The following MR1 variants were observed in gnomAD, a reference collection of about 807,000 sequenced individuals.
MR1 encodes major histocompatibility complex class I-related protein 1.
Under a neutral mutation model 37.8 loss-of-function variants are expected in MR1, and 44 were observed. The observed-to-expected ratio is 1.16, with a 90% CI of 0.91 to 1.50. The LOEUF (loss-of-function observed/expected upper bound fraction) is 1.50. Ranked by LOEUF, MR1 falls within the 40% of genes most tolerant of loss-of-function variation. MR1 has a pLI of 0.00. For synonymous variants in MR1, 153 were observed against 155.8 expected (o/e 0.98, Z 0.13); for missense variants, 386 against 419.1 (o/e 0.92, Z 0.69).
At chr1:181,047,778 T>C (rs544899359) in intron 1 of MR1, among the ~76,000 whole-genome samples, 1 of 149,984 alleles carries the variant, frequency 6.7e-6, no homozygotes, top group East Asian at 2.0e-4. Flanking sequence ...CACGCGCCTG[T>C]AGTCCCAGCT....
In MR1 at chr1:181,059,066, GC is replaced by G. The variant is rs1375911394; in HGVS notation, c.*3802del. 1 of 152,206 alleles carries G rather than the reference GC, an allele frequency of 6.6e-6. No homozygotes were observed. Among genetic ancestry groups the G allele is most frequent in the Non-Finnish European group, 1.5e-5 (1 of 68,046 alleles). The allele number at this position is 152,206 out of a possible 1,614,324, so 9.4% of individuals were successfully genotyped here. A position where few individuals can be genotyped will look rare whatever the true frequency, so the allele number is the denominator to read the frequency against. On this transcript the variant is annotated 3_prime_UTR_variant, in exon 6 of 6. Transcript: ENST00000367580. ...GAATGTTCTCCAAGGAGGACAGGGGGCTTTGCCCATAGCCATGTGCTGTGGG... is the reference window on the plus strand; with the variant it reads ...GAATGTTCTCCAAGGAGGACAGGGGGTTTGCCCATAGCCATGTGCTGTGGG...
In MR1 at chr1:181,049,405, A is replaced by G. The variant is rs1427706855; in HGVS notation, c.328+93A>G. Reference sequence around the variant, plus strand: ...CTCCAATAAGCGGATGCTGAATTGCACCTGCTGTAGCTTTGGCAAAGCCTG... The same window carrying G: ...CTCCAATAAGCGGATGCTGAATTGCGCCTGCTGTAGCTTTGGCAAAGCCTG... On this transcript the variant is annotated intron_variant, in intron 2 of 5. Transcript: ENST00000367580. The G allele has an allele frequency of 3.5e-6, 5 of 1,440,412 alleles. No homozygotes were observed. In the African/African-American group the frequency reaches 5.7e-5, roughly 16 times the overall value. The allele number at this position is 1,440,412 out of a possible 1,614,324, so 89.2% of individuals were successfully genotyped here.
chr1:181,042,998 C>A (rs1657649966), intron 1 of MR1, among the ~76,000 whole-genome samples: 1 of 152,176 alleles, frequency 6.6e-6, no homozygotes, highest in Non-Finnish European at 1.5e-5. Flanking sequence ...TTCTTAAGTG[C>A]TTTAAGATTG....
chr1:181,034,864 G>T, intron 1 of MR1, among the ~76,000 whole-genome samples: 1 of 152,108 alleles, frequency 6.6e-6, no homozygotes, highest in Non-Finnish European at 1.5e-5. Flanking sequence ...GGGCGAGGGG[G>T]GTGGATGATT....
intron 1 of MR1, among the ~76,000 whole-genome samples, chr1:181,042,266 G>A (rs1571382432): frequency 6.7e-6 from 1 of 148,552 alleles, no homozygotes; most frequent in Non-Finnish European, 1.5e-5. Flanking sequence ...GCAGTGGCGC[G>A]ATCTCGGCTC....
intron 1 of MR1, among the ~76,000 whole-genome samples, chr1:181,045,970 C>T (rs1657835709): frequency 6.6e-6 from 1 of 152,250 alleles, no homozygotes; most frequent in Admixed American, 6.5e-5. Flanking sequence ...GCTTAGCACC[C>T]GGGCCAGCGG....
At position 181,056,515 on chromosome 1, in the gene MR1, A is replaced by G. The variant is rs915307587; in HGVS notation, c.*1250A>G. On this transcript the variant is annotated 3_prime_UTR_variant, in exon 6 of 6. Transcript: ENST00000367580. ...TCCTACATAGGTTGTCTTCATACAT[A>G]TGCACTGGGAATCAATAAAAGCCCA... 1 of 152,046 alleles carries G rather than the reference A, an allele frequency of 6.6e-6. No individual in the cohort carries two copies. The highest frequency in any genetic ancestry group is 2.4e-5 in the African/African-American group (1 of 41,360). 9.4% of individuals were successfully genotyped at this position (152,046 alleles called of 1,614,324 possible). A position where few individuals can be genotyped will look rare whatever the true frequency, so the allele number is the denominator to read the frequency against.
At chr1:181,051,550 G>A (rs1246075414) in intron 3 of MR1, among the ~76,000 whole-genome samples, 1 of 152,166 alleles carries the variant, frequency 6.6e-6, no homozygotes, top group Non-Finnish European at 1.5e-5. Context: ...TTTGGTCTCG[G>A]TATGGCTGTT....
At position 181,055,377 on chromosome 1, in the gene MR1, G is replaced by C; in HGVS notation, c.*112G>C. 1 of 911,416 alleles carries C rather than the reference G, an allele frequency of 1.1e-6. No homozygotes were observed. The highest frequency in any genetic ancestry group is 2.2e-5 in the Admixed American group (1 of 45,866). The allele number at this position is 911,416 out of a possible 1,614,324, so 56.5% of individuals were successfully genotyped here. A position where few individuals can be genotyped will look rare whatever the true frequency, so the allele number is the denominator to read the frequency against. On this transcript the variant is annotated 3_prime_UTR_variant, in exon 6 of 6. Coordinates refer to ENST00000367580, the MANE Select transcript of MR1 (RefSeq NM_001385161.1). ...TCCTGACGACACCCACAACATACATGAGAGTAATGGGATTGAGCATTTATG... is the reference window on the plus strand; with the variant it reads ...TCCTGACGACACCCACAACATACATCAGAGTAATGGGATTGAGCATTTATG...
intron 5 of MR1, among the ~76,000 whole-genome samples, chr1:181,054,503 A>G (rs1054261059): frequency 1.3e-5 from 2 of 152,188 alleles, no homozygotes; most frequent in Admixed American, 6.5e-5. Flanking sequence ...TTCAGGTGAT[A>G]ACTGTACAAA....
chr1:181,044,242 C>T (rs6425661), intron 1 of MR1, among the ~76,000 whole-genome samples: 3 of 151,966 alleles, frequency 2.0e-5, no homozygotes, highest in Admixed American at 2.0e-4. Flanking sequence ...GGATTACAGG[C>T]GTGAGCCACT....
chr1:181,060,355 G>T lies in MR1; in HGVS notation c.*5090G>T, dbSNP rs1368087408. On this transcript the variant is annotated 3_prime_UTR_variant, in exon 6 of 6. Coordinates refer to ENST00000367580, the MANE Select transcript of MR1 (RefSeq NM_001385161.1). ...AAGGCCACATTCTGAGGTACTGGGG[G>T]TTATAACTTCAACATGAATTTTTTG... 1.3e-5 allele frequency: 2 copies of T among 152,124 alleles called. No individual in the cohort carries two copies. The highest frequency in any genetic ancestry group is 2.9e-5 in the Non-Finnish European group (2 of 68,034). The allele number at this position is 152,124 out of a possible 1,614,324, so 9.4% of individuals were successfully genotyped here.
In MR1 at chr1:181,038,548, A is replaced by G. The variant is rs148233157; in HGVS notation, c.67+4474A>G. Among the ~76,000 whole-genome samples, 737 of 152,364 alleles carry G rather than the reference A, an allele frequency of 4.8e-3. 1 individual carries two copies. The highest frequency in any genetic ancestry group is 8.7e-3 in the Non-Finnish European group (592 of 68,018). ...TCAGGACTCACGGCCACCTGTGTGT[A>G]GGAAGGTCTGGAGCCTGTGGCCCCA... On this transcript the variant is annotated intron_variant, in intron 1 of 5. Coordinates refer to ENST00000367580, the MANE Select transcript of MR1 (RefSeq NM_001385161.1).
At chr1:181,043,922 C>G (rs1657707470) in intron 1 of MR1, among the ~76,000 whole-genome samples, 2 of 149,780 alleles carry the variant, frequency 1.3e-5, no homozygotes, top group South Asian at 4.2e-4. Context: ...AGAAGCTAAT[C>G]CAACTATTTT....
In MR1 at chr1:181,061,849, G is replaced by C. The variant is rs1658912408; in HGVS notation, c.*6584G>C. The stretch of plus-strand genomic sequence containing the variant: ...GATCATATAACATTCCAGGTACTCA[G>C]GATGAATGGTTTGAGGACTGGTCTG... On this transcript the variant is annotated 3_prime_UTR_variant, in exon 6 of 6. Coordinates refer to ENST00000367580, the MANE Select transcript of MR1 (RefSeq NM_001385161.1). The C allele has an allele frequency of 6.6e-6, 1 of 152,150 alleles. No homozygotes were observed. The highest frequency in any genetic ancestry group is 2.1e-4 in the South Asian group (1 of 4,828). 9.4% of individuals were successfully genotyped at this position (152,150 alleles called of 1,614,324 possible).
intron 1 of MR1, among the ~76,000 whole-genome samples, chr1:181,045,810 C>G (rs1428452936): frequency 6.6e-6 from 1 of 152,234 alleles, no homozygotes; most frequent in Non-Finnish European, 1.5e-5. Flanking sequence ...AGCCCGCTCC[C>G]GCAGCTTGCA....
chr1:181,038,280 T>C (rs1053057714), intron 1 of MR1, among the ~76,000 whole-genome samples: 15 of 152,210 alleles, frequency 9.9e-5, no homozygotes, highest in African/African-American at 3.4e-4. Flanking sequence ...TAGTTAGACA[T>C]GTCATTAGGA....
chr1:181,033,785 A>G, upstream of MR1: 1 of 468,120 alleles, frequency 2.1e-6, no homozygotes, highest in Non-Finnish European at 3.8e-6. Flanking sequence ...GGGTGAAGAT[A>G]GATACACCAA....
At chr1:181,047,868 C>T (rs1037984301) in intron 1 of MR1, among the ~76,000 whole-genome samples, 1 of 151,922 alleles carries the variant, frequency 6.6e-6, no homozygotes, top group African/African-American at 2.4e-5. Flanking sequence ...CCACTGCACT[C>T]CAGCCTGGGC....
Sources: allele counts gnomAD v4.1 joint callset (sites outside exome capture counted in the v4.1 genomes callset), GRCh38; gene constraint gnomAD v4.1.1; transcripts MANE v1.5; gene names NCBI Gene and HGNC (gene_info 2026-07-23, HGNC 2026-07-21).